Variants in LRRFIP1 observed in about 807,000 individuals in gnomAD.
LRRFIP1 encodes leucine-rich repeat flightless-interacting protein 1.
A neutral mutation model predicts 104.4 loss-of-function variants in LRRFIP1; 62 were observed. The observed-to-expected ratio is 0.59, with a 90% confidence interval of 0.48 to 0.73. The LOEUF (loss-of-function observed/expected upper bound fraction) is 0.73, where lower values mean the gene tolerates loss of function less well. Among genes scored for constraint, LRRFIP1 ranks in the 30% least tolerant of loss-of-function variants. The probability of loss-of-function intolerance (pLI) is 0.00; values close to 1 mark genes in which losing one functional copy is unlikely to be tolerated. For missense variants in LRRFIP1, 796 were observed against 824.5 expected (o/e 0.97, Z 0.42); for synonymous variants, 300 against 299.0 (o/e 1.00, Z -0.03).
chr2:237,674,782 T>C (rs145726584), intron 1 of LRRFIP1, among the ~76,000 whole-genome samples: 144 of 152,364 alleles, frequency 9.5e-4, no homozygotes, highest in African/African-American at 3.4e-3. Flanking sequence ...CACAGGTATT[T>C]CTCCGTCACT....
In LRRFIP1 at chr2:237,703,675, C is replaced by T. The variant is rs535576740; in HGVS notation, c.97-4869C>T. 2.0e-5 allele frequency among the ~76,000 whole-genome samples: 3 copies of T among 152,190 alleles called. No individual in the cohort carries two copies. Among genetic ancestry groups the T allele is most frequent in the Non-Finnish European group, 4.4e-5 (3 of 68,012 alleles). On this transcript the variant is annotated intron_variant, in intron 1 of 23. Coordinates refer to ENST00000308482, the MANE Select transcript of LRRFIP1 (RefSeq NM_001137550.2). This position sits in a 1 kb window ranked among gnomAD's most constrained non-coding sequence, Gnocchi z 4.3. ...TCTCCAGAGCAGCCCCCGCCCCTGC[C>T]ACACGTTTCTTCCCCCATGTGGTCC...
chr2:237,678,340 AG>A (rs1184136338), intron 1 of LRRFIP1, among the ~76,000 whole-genome samples: 2 of 152,110 alleles, frequency 1.3e-5, no homozygotes, highest in Non-Finnish European at 2.9e-5. Context: ...TCCCTGCAGC[AG>A]GGGGTACACA....
chr2:237,715,498 C>T (rs770991925), intron 3 of LRRFIP1, among the ~76,000 whole-genome samples: 3 of 152,074 alleles, frequency 2.0e-5, no homozygotes, highest in East Asian at 1.9e-4. Flanking sequence ...TTTTTACTAA[C>T]GTGCCAGGGA....
intron 19 of LRRFIP1, chr2:237,764,997 C>T (rs1343932403): frequency 2.0e-6 from 2 of 982,000 alleles, no homozygotes; most frequent in Non-Finnish European, 2.4e-6. Flanking sequence ...CGTGGTGGCT[C>T]ATGCCTGTAA....
intron 1 of LRRFIP1, among the ~76,000 whole-genome samples, chr2:237,699,088 C>T (rs2093360105): frequency 6.6e-6 from 1 of 151,978 alleles, no homozygotes; most frequent in Non-Finnish European, 1.5e-5. Flanking sequence ...CACAGGGAGG[C>T]TGACACAGGT....
intron 14 of LRRFIP1, among the ~76,000 whole-genome samples, chr2:237,753,054 C>T (rs1470572920): frequency 6.6e-6 from 1 of 152,224 alleles, no homozygotes; most frequent in African/African-American, 2.4e-5. Flanking sequence ...CCTTTCCATA[C>T]TGGTATCTCG....
At position 237,691,739 on chromosome 2, in the gene LRRFIP1, T is replaced by A. The variant is rs1281629480; in HGVS notation, c.97-16805T>A. Among the ~76,000 whole-genome samples, 2 of 151,166 alleles carry A rather than the reference T, an allele frequency of 1.3e-5. No homozygotes were observed. The highest frequency in any genetic ancestry group is 3.0e-5 in the Non-Finnish European group (2 of 67,782). ...GGGTCGACCCCTACTGGGCGCGGCATCCTCCCCGGAGCGCCCGCTTCCCAC... is the reference window on the plus strand; with the variant it reads ...GGGTCGACCCCTACTGGGCGCGGCAACCTCCCCGGAGCGCCCGCTTCCCAC... On this transcript the variant is annotated intron_variant, in intron 1 of 23. Coordinates refer to ENST00000308482, the MANE Select transcript of LRRFIP1 (RefSeq NM_001137550.2). This position sits in a 1 kb window ranked among gnomAD's most constrained non-coding sequence, Gnocchi z 5.4.
At chr2:237,746,599 C>T (rs1163433626) in intron 11 of LRRFIP1, among the ~76,000 whole-genome samples, 2 of 152,140 alleles carry the variant, frequency 1.3e-5, no homozygotes, top group Non-Finnish European at 2.9e-5. Flanking sequence ...CACAGTTAGG[C>T]TGATGTGGCA....
chr2:237,727,806 C>T, intron 7 of LRRFIP1, 70 bp from the exon 8 acceptor site: 1 of 1,164,034 alleles, frequency 8.6e-7, no homozygotes, highest in Non-Finnish European at 1.3e-6. Context: ...CTGGTTGGTC[C>T]CTGCTGATTT....
At chr2:237,772,366 G>GC in intron 21 of LRRFIP1, 168 bp downstream of exon 21, 2 of 585,206 alleles carry the variant, frequency 3.4e-6, no homozygotes, top group Non-Finnish European at 6.1e-6. Context: ...CAGAACAATG[G>GC]TGTTTCTCTC....
At chr2:237,730,912 C>T (rs2094972417) in intron 8 of LRRFIP1, among the ~76,000 whole-genome samples, 1 of 142,830 alleles carries the variant, frequency 7.0e-6, no homozygotes, top group Non-Finnish European at 1.5e-5. Flanking sequence ...AGTGAGATTC[C>T]ATCTCAGACA....
At chr2:237,682,214 A>G (rs533310808) in intron 1 of LRRFIP1, among the ~76,000 whole-genome samples, 279 of 152,308 alleles carry the variant, frequency 1.8e-3, no homozygotes, top group South Asian at 9.3e-3. Flanking sequence ...TAATCTGTGT[A>G]TGGTCAAATA....
At chr2:237,756,306 AC>A (rs1177798782) in intron 16 of LRRFIP1, 119 bp downstream of exon 16, 3 of 674,520 alleles carry the variant, frequency 4.4e-6, no homozygotes, top group Admixed American at 6.6e-5. Flanking sequence ...GGCTTAAACA[AC>A]AGAAATTAAT....
rs76073889 is a variant in LRRFIP1 at position 237,693,916 on chromosome 2, T to A, written c.97-14628T>A. 3.1e-3 allele frequency among the ~76,000 whole-genome samples: 470 copies of A among 152,288 alleles called. 11 individuals carry two copies. The East Asian group carries it at 0.047, about 15-fold the overall frequency. ...CCTCCTGGGCGGGTCTGGGTTCAGATGACTTCGAGATGCTGCCGGGAGGAA... is the reference window on the plus strand; with the variant it reads ...CCTCCTGGGCGGGTCTGGGTTCAGAAGACTTCGAGATGCTGCCGGGAGGAA... On this transcript the variant is annotated intron_variant, in intron 1 of 23. Coordinates refer to ENST00000308482, the MANE Select transcript of LRRFIP1 (RefSeq NM_001137550.2).
intron 19 of LRRFIP1, chr2:237,763,077 A>C (rs1231763563): frequency 6.2e-7 from 1 of 1,614,210 alleles, no homozygotes; most frequent in Non-Finnish European, 8.5e-7. Context: ...CATGATGACA[A>C]ATGTATGGTA....
At chr2:237,627,967 G>C (rs1574960972) in intron 1 of LRRFIP1, among the ~76,000 whole-genome samples, 1 of 151,022 alleles carries the variant, frequency 6.6e-6, no homozygotes, top group East Asian at 1.9e-4. Context: ...CTCCAGCCCC[G>C]GGCCCAGCCC....
rs2094390802 is a variant in LRRFIP1 at position 237,717,638 on chromosome 2, G to A, written c.202-124G>A. The A allele has an allele frequency of 1.2e-6, 1 of 802,726 alleles. No individual in the cohort carries two copies. 49.7% of individuals were successfully genotyped at this position (802,726 alleles called of 1,614,324 possible). A position where few individuals can be genotyped will look rare whatever the true frequency, so the allele number is the denominator to read the frequency against. The stretch of plus-strand genomic sequence containing the variant: ...GCCTGGTGCCGACTGCTTTGCCTTG[G>A]CGTGTTACCTTCACCACACGGCTGG... On this transcript the variant is annotated intron_variant, in intron 3 of 23. Coordinates refer to ENST00000308482, the MANE Select transcript of LRRFIP1 (RefSeq NM_001137550.2). The surrounding 1 kb of genome is among the most constrained non-coding windows in gnomAD (Gnocchi z 4.2).
At chr2:237,778,655 G>A (rs1032240833) in intron 23 of LRRFIP1, among the ~76,000 whole-genome samples, 3 of 152,194 alleles carry the variant, frequency 2.0e-5, no homozygotes, top group Admixed American at 1.3e-4. Flanking sequence ...TGTGGCTCAC[G>A]CCTGTAATCC....
intron 10 of LRRFIP1, among the ~76,000 whole-genome samples, chr2:237,736,248 C>T (rs1030764317): frequency 6.6e-6 from 1 of 152,114 alleles, no homozygotes; most frequent in Admixed American, 6.5e-5. Flanking sequence ...GTTGACATAG[C>T]ATTCGTTTTT....
Sources: allele counts gnomAD v4.1 joint callset (sites outside exome capture counted in the v4.1 genomes callset), GRCh38; gene constraint gnomAD v4.1.1; non-coding constraint Gnocchi (gnomAD v3.1); transcripts MANE v1.5; gene names NCBI Gene and HGNC (gene_info 2026-07-23, HGNC 2026-07-21).